The following DNAH3 variants were observed in gnomAD, a reference collection of about 807,000 sequenced individuals.
DNAH3 encodes dynein axonemal heavy chain 3.
A neutral mutation model predicts 432.5 loss-of-function variants in DNAH3; 332 were observed. That is an observed-to-expected ratio of 0.77 (90% confidence interval 0.70 to 0.84). DNAH3 has a LOEUF of 0.84. Among genes scored for constraint, DNAH3 ranks in the 40% least tolerant of loss-of-function variants. The pLI, the probability that DNAH3 is intolerant of heterozygous loss-of-function variation, is 0.00. For synonymous variants in DNAH3, 1,956 were observed against 1,900.2 expected (o/e 1.03, Z -0.76); for missense variants, 4,861 against 5,114.0 (o/e 0.95, Z 1.51).
At chr16:20,945,176 C>A (rs897490137) in intron 57 of DNAH3, among the ~76,000 whole-genome samples, 1 of 152,156 alleles carries the variant, frequency 6.6e-6, no homozygotes, top group Admixed American at 6.5e-5. Context: ...ATCCCCAAAC[C>A]AAGATGGCCA....
intron 11 of DNAH3, among the ~76,000 whole-genome samples, chr16:21,118,870 G>A (rs2092270337): frequency 6.6e-6 from 1 of 152,164 alleles, no homozygotes; most frequent in African/African-American, 2.4e-5. Context: ...GTTCCTGCCT[G>A]GGACCCATTG....
intron 51 of DNAH3, among the ~76,000 whole-genome samples, chr16:20,973,316 G>T (rs566821591): frequency 6.6e-6 from 1 of 151,878 alleles, no homozygotes; most frequent in African/African-American, 2.4e-5. Flanking sequence ...GCATTGGTGC[G>T]ATCTCAACGC....
At chr16:20,994,007 A>G (rs1204409669) in intron 44 of DNAH3, among the ~76,000 whole-genome samples, 2 of 152,042 alleles carry the variant, frequency 1.3e-5, no homozygotes, top group African/African-American at 4.8e-5. Context: ...TATATTTTGT[A>G]TTATTTCTTC....
At chr16:20,995,654 TCTTTG>T (rs984333725) in intron 44 of DNAH3, among the ~76,000 whole-genome samples, 2 of 152,166 alleles carry the variant, frequency 1.3e-5, no homozygotes, top group Non-Finnish European at 2.9e-5. Flanking sequence ...TTGGACCTTC[TCTTTG>T]CTTTGTTTCT....
intron 16 of DNAH3, among the ~76,000 whole-genome samples, chr16:21,103,130 A>C (rs573545658): frequency 2.0e-5 from 3 of 152,160 alleles, no homozygotes; most frequent in African/African-American, 7.2e-5. Flanking sequence ...ATGCAAAGGC[A>C]TAAGAATGAT....
Position 21,125,409 on chromosome 16 carries a change from T to C in DNAH3, c.1209-39A>G, listed in dbSNP as rs2092427427. On this transcript the variant is annotated intron_variant, in intron 8 of 61. Coordinates refer to ENST00000261383, the Ensembl canonical transcript of DNAH3. ...AGGGTGTCCATGTGAGAAGCTCTTC[T>C]GGGCTCCGAGGAACCCACTTGCCGT... The C allele has an allele frequency of 1.1e-5, 16 of 1,515,912 alleles. No individual in the cohort carries two copies. The East Asian group carries it at 3.8e-4, about 36-fold the overall frequency. The allele number at this position is 1,515,912 out of a possible 1,614,324, so 93.9% of individuals were successfully genotyped here. A position where few individuals can be genotyped will look rare whatever the true frequency, so the allele number is the denominator to read the frequency against.
intron 51 of DNAH3, among the ~76,000 whole-genome samples, chr16:20,973,034 G>A (rs1213070972): frequency 6.6e-5 from 10 of 151,836 alleles, no homozygotes; most frequent in African/African-American, 1.2e-4. Context: ...CAGCTGCCAT[G>A]ACCTATTTAT....
intron 35 of DNAH3, among the ~76,000 whole-genome samples, chr16:21,035,227 T>C (rs1176043952): frequency 6.6e-6 from 1 of 152,156 alleles, no homozygotes; most frequent in Non-Finnish European, 1.5e-5. Context: ...CTCGAGAGGC[T>C]GAGGCAGCAG....
chr16:21,134,306 G>A, exon 7 of DNAH3: 2 of 1,614,128 alleles, frequency 1.2e-6, no homozygotes, highest in Non-Finnish European at 1.7e-6. Context: ...GGTTCACCGT[G>A]TGCAGATGCT....
intron 25 of DNAH3, among the ~76,000 whole-genome samples, chr16:21,061,919 T>G (rs1234309831): frequency 6.6e-6 from 1 of 152,222 alleles, no homozygotes; most frequent in African/African-American, 2.4e-5. Context: ...TCCTGGTTGC[T>G]GCAGTTTATA....
chr16:21,069,709 T>C lies in DNAH3; in HGVS notation c.3202-115A>G, dbSNP rs28438669. 1.7e-3 allele frequency: 1,631 copies of C among 933,428 alleles called. 26 individuals are homozygous for C. In the African/African-American group the frequency reaches 0.025, roughly 14 times the overall value. 57.8% of individuals were successfully genotyped at this position (933,428 alleles called of 1,614,324 possible). ...TTATTCATTCATTCAGTCTGTCACT[T>C]GTTTAACAAATACTTATTGAGGGCT... On this transcript the variant is annotated intron_variant, in intron 22 of 61. Coordinates refer to ENST00000261383, the Ensembl canonical transcript of DNAH3.
chr16:21,112,615 C>T (rs746620883), intron 12 of DNAH3, among the ~76,000 whole-genome samples: 3 of 152,120 alleles, frequency 2.0e-5, no homozygotes, highest in East Asian at 1.9e-4. Flanking sequence ...CCTCCCCCTG[C>T]GTCTTTCCCA....
At chr16:21,004,419 G>A (rs1384131870) in intron 41 of DNAH3, among the ~76,000 whole-genome samples, 1 of 151,832 alleles carries the variant, frequency 6.6e-6, no homozygotes, top group Non-Finnish European at 1.5e-5. Flanking sequence ...CCAGGCTGGA[G>A]TGCAGTGACA....
intron 49 of DNAH3, among the ~76,000 whole-genome samples, chr16:20,981,626 G>A (rs1161504784): frequency 6.6e-6 from 1 of 152,108 alleles, no homozygotes; most frequent in African/African-American, 2.4e-5. Context: ...TCGGGAGGCT[G>A]AGGCACAAGA....
chr16:21,110,500 C>A (rs975370265), intron 14 of DNAH3, among the ~76,000 whole-genome samples: 1 of 152,082 alleles, frequency 6.6e-6, no homozygotes, highest in Non-Finnish European at 1.5e-5. Context: ...ATGGAGCCAA[C>A]GTGGAGGAAA....
chr16:21,127,982 G>C (rs1212307894), intron 7 of DNAH3, among the ~76,000 whole-genome samples, 170 bp from the exon 9 acceptor site: 1 of 152,102 alleles, frequency 6.6e-6, no homozygotes, highest in African/African-American at 2.4e-5. Context: ...GCTGAGGAGG[G>C]AGGAGCTAAG....
chr16:21,140,608 C>G, exon 5 of DNAH3: 1 of 1,614,152 alleles, frequency 6.2e-7, no homozygotes, highest in Non-Finnish European at 8.5e-7. Flanking sequence ...TGACATCGAG[C>G]TGCTGTTCTG....
chr16:21,082,824 T>C (rs1404524253), intron 19 of DNAH3, among the ~76,000 whole-genome samples: 2 of 22,760 alleles, frequency 8.8e-5, no homozygotes, highest in East Asian at 1.3e-3. Context: ...TGAGACTCCA[T>C]CTCAAAAAAA....
intron 28 of DNAH3, 124 bp downstream of exon 28, chr16:21,054,296 G>T: frequency 1.4e-6 from 1 of 707,934 alleles, no homozygotes; most frequent in Non-Finnish European, 2.3e-6. Flanking sequence ...ACTCTCAGTT[G>T]GAGAAAGCTC....
Sources: allele counts gnomAD v4.1 joint callset (sites outside exome capture counted in the v4.1 genomes callset), GRCh38; gene constraint gnomAD v4.1.1; transcripts MANE v1.5; gene names NCBI Gene and HGNC (gene_info 2026-07-23, HGNC 2026-07-21).